Variants in PYROXD2 observed in about 807,000 individuals in gnomAD.
The protein encoded by PYROXD2 is pyridine nucleotide-disulphide oxidoreductase domain 2.
PYROXD2 carries 69 observed loss-of-function variants against 71.1 expected under a neutral mutation model. The ratio of observed to expected loss-of-function variants is 0.97; its 90% CI spans 0.80 to 1.19. The LOEUF is 1.19. Among genes scored for constraint, PYROXD2 ranks in the 50% most tolerant of loss-of-function variants. The pLI is 0.00. For synonymous variants in PYROXD2, 287 were observed against 302.7 expected, an observed-to-expected ratio of 0.95 and a Z score of 0.54; for missense variants, 745 against 748.9, an observed-to-expected ratio of 0.99 and a Z score of 0.06.
intron 6 of PYROXD2, among the ~76,000 whole-genome samples, chr10:98,397,008 C>T (rs1198411649): frequency 6.6e-6 from 1 of 152,210 alleles, no homozygotes; most frequent in African/African-American, 2.4e-5. Context: ...AGCATCTTGT[C>T]ACCCACAGTG....
At chr10:98,392,915 T>A (rs1299503221) in intron 9 of PYROXD2, 27 bp downstream of exon 9, 2 of 1,608,362 alleles carry the variant, frequency 1.2e-6, no homozygotes, top group Non-Finnish European at 8.5e-7. Context: ...TTACTAATAA[T>A]TGGGGTGGGG....
intron 8 of PYROXD2, 38 bp downstream of exon 8, chr10:98,395,158 G>A (rs1843118392): frequency 6.5e-7 from 1 of 1,545,072 alleles, no homozygotes; most frequent in South Asian, 1.1e-5. Context: ...TGGGGAACAT[G>A]CCCCACTCCT....
chr10:98,408,725 G>A (rs969324819), intron 2 of PYROXD2, among the ~76,000 whole-genome samples: 1 of 152,174 alleles, frequency 6.6e-6, no homozygotes, highest in Non-Finnish European at 1.5e-5. Flanking sequence ...AACCAAACTG[G>A]TCATGAATCT....
At position 98,395,399 on chromosome 10, in the gene PYROXD2, T is replaced by C. The variant is rs749741204; in HGVS notation, c.679A>G (p.Ile227Val). 5.0e-6 allele frequency: 8 copies of C among 1,614,186 alleles called. No homozygotes were observed. In the East Asian group the frequency reaches 8.9e-5, roughly 18 times the overall value. ...GCTGGGGAACCACTCACCTTGGTAA[T>C]GGGAGCTGTGAGGACCTCATAATAT... ...PRYYEVLTAPITKVLDQWFES... is the reference protein window; with the variant it reads ...PRYYEVLTAPVTKVLDQWFES... Residue 227 changes from isoleucine (I) to valine (V), a missense_variant, in exon 7 of 16, where the codon ATT (isoleucine) becomes GTT (valine). Physicochemically the swap from Ile to Val is conservative, Grantham distance 29 (BLOSUM62 3). Transcript: ENST00000370575.
At chr10:98,408,371 C>T (rs1208822231) in intron 2 of PYROXD2, among the ~76,000 whole-genome samples, 2 of 152,222 alleles carry the variant, frequency 1.3e-5, no homozygotes, top group African/African-American at 4.8e-5. Flanking sequence ...ACAAGCGCAG[C>T]ACAGTGAGGT....
rs188020959 is a variant in PYROXD2 at position 98,388,314 on chromosome 10, C to T, written c.1447+40G>A. On this transcript the variant is annotated intron_variant, in intron 13 of 15. Transcript: ENST00000370575. ...AGCAGGCCCAGTTGGGTCGCATGCC[C>T]GGCTGTGGCTCTGGAGGCAGAACGT... is the stretch of plus-strand genomic sequence containing the variant. 1.2e-4 allele frequency: 191 copies of T among 1,610,444 alleles called. No individual in the cohort carries two copies. The South Asian group carries it at 1.8e-3, about 15-fold the overall frequency.
chr10:98,401,604 T>C (rs1438309842), intron 4 of PYROXD2, among the ~76,000 whole-genome samples: 1 of 152,206 alleles, frequency 6.6e-6, no homozygotes, highest in African/African-American at 2.4e-5. Context: ...TGTACAGCTA[T>C]ATAAAATATT....
chr10:98,387,283 GCATAGACCTCGATGCAATCAAA>G lies in PYROXD2; in HGVS notation c.1450_1471del (p.Phe484ProfsTer72), dbSNP rs1452342097. 6.2e-7 allele frequency: 1 copy of G among 1,613,932 alleles called. No individual in the cohort carries two copies. The highest frequency in any genetic ancestry group is 8.5e-7 in the Non-Finnish European group (1 of 1,179,954). Reference sequence around the variant, plus strand: ...AACCACAGAGTCCTTGAAGCCAGGGGCATAGACCTCGATGCAATCAAACACTGGGGTGCCAAAAACAGAGAAA... The same window carrying G: ...AACCACAGAGTCCTTGAAGCCAGGGGCACTGGGGTGCCAAAAACAGAGAAA... On this transcript the variant is annotated frameshift_variant and splice_region_variant, in exon 14 of 16. Coordinates refer to ENST00000370575, the MANE Select transcript of PYROXD2 (RefSeq NM_032709.3). LOFTEE classifies it high-confidence loss of function.
intron 1 of PYROXD2, among the ~76,000 whole-genome samples, chr10:98,412,411 T>C (rs1843818163): frequency 6.6e-6 from 1 of 152,124 alleles, no homozygotes; most frequent in Non-Finnish European, 1.5e-5. Context: ...CCTGGGCCCT[T>C]GAGGAGCTGC....
rs755746022 is a variant in PYROXD2 at position 98,383,800 on chromosome 10, A to T, written c.1744T>A (p.Ter582ArgextTer2). ...CCTGGGTCAGAGCTGGTTCAGGGTC[A>T]CATGCTCTTGAGGTCCCTAAAGGCC... ...HVAFRDLKSM* is the reference protein window; with the variant it reads ...HVAFRDLKSMR Residue 582 changes from the stop codon to arginine (R), a stop_lost, in exon 16 of 16, where the codon TGA becomes AGA. Transcript: ENST00000370575. 2.5e-6 allele frequency: 4 copies of T among 1,613,880 alleles called. No individual in the cohort carries two copies. In the South Asian group the frequency reaches 3.3e-5, roughly 13 times the overall value.
intron 8 of PYROXD2, 39 bp from the exon 9 acceptor site, chr10:98,393,122 A>C: frequency 6.8e-7 from 1 of 1,467,832 alleles, no homozygotes; most frequent in Non-Finnish European, 9.0e-7. Context: ...TGGAGGTGGG[A>C]TCTCATCTCC....
At chr10:98,410,843 G>T (rs901317530) in intron 2 of PYROXD2, 96 bp downstream of exon 2, 2 of 1,535,822 alleles carry the variant, frequency 1.3e-6, no homozygotes, top group Admixed American at 3.9e-5. Flanking sequence ...CTCTCTCAAG[G>T]CCCTTATCCC....
intron 10 of PYROXD2, 58 bp from the exon 11 acceptor site, chr10:98,391,140 C>T (rs998462722): frequency 2.0e-5 from 22 of 1,112,848 alleles, no homozygotes; most frequent in Non-Finnish European, 2.8e-5. Flanking sequence ...AGGAAGCTGC[C>T]TTCTTTCTTT....
At chr10:98,395,357 G>C in intron 7 of PYROXD2, 34 bp downstream of exon 7, 1 of 1,612,356 alleles carries the variant, frequency 6.2e-7, no homozygotes, top group Admixed American at 1.7e-5. Context: ...CCCTCTCACT[G>C]CCTGGTCGGG....
In PYROXD2 at chr10:98,392,552, C is replaced by T. The variant is rs1842981875; in HGVS notation, c.942G>A (p.Val314=). ...SIFTEKTVAK[V]QVNSEGCVQG... is the part of the protein sequence containing the mutation. The stretch of plus-strand genomic sequence containing the variant: ...GAACACAGCCTTCACTGTTCACCTG[C>T]ACCTTCGCCACTGTCTAGAGCCCAC... The change falls in exon 10 of 16, where the codon GTG becomes GTA. Residue 314 remains valine, a synonymous_variant. Coordinates refer to ENST00000370575, the MANE Select transcript of PYROXD2 (RefSeq NM_032709.3). 6.2e-7 allele frequency: 1 copy of T among 1,611,954 alleles called. No individual in the cohort carries two copies. Among genetic ancestry groups the T allele is most frequent in the Non-Finnish European group, 8.5e-7 (1 of 1,180,004 alleles).
In PYROXD2 at chr10:98,415,139, T is replaced by G. The variant is rs765926483; in HGVS notation, c.-4A>C. On this transcript the variant is annotated 5_prime_UTR_variant, in exon 1 of 16. Coordinates refer to ENST00000370575, the MANE Select transcript of PYROXD2 (RefSeq NM_032709.3). ...GACCTCGGCCACTTGCAGCCATTTCTGCCCCAGGCTGGGCCTTGCTAGGCA... is the reference window on the plus strand; with the variant it reads ...GACCTCGGCCACTTGCAGCCATTTCGGCCCCAGGCTGGGCCTTGCTAGGCA... The G allele has an allele frequency of 6.2e-7, 1 of 1,612,312 alleles. No individual in the cohort carries two copies. Among genetic ancestry groups the G allele is most frequent in the East Asian group, 2.2e-5 (1 of 44,870 alleles).
At chr10:98,414,548 T>G (rs1843913138) in intron 1 of PYROXD2, among the ~76,000 whole-genome samples, 1 of 152,178 alleles carries the variant, frequency 6.6e-6, no homozygotes, top group South Asian at 2.1e-4. Flanking sequence ...CAGTTTCTTG[T>G]GACGAGGGGT....
intron 8 of PYROXD2, 49 bp downstream of exon 8, chr10:98,395,147 T>C (rs1843117630): frequency 1.3e-6 from 2 of 1,502,852 alleles, no homozygotes; most frequent in Non-Finnish European, 1.9e-6. Context: ...CTCACTCCTG[T>C]TGGGGAACAT....
At position 98,383,855 on chromosome 10, in the gene PYROXD2, C is replaced by T. The variant is rs150230915; in HGVS notation, c.1689G>A (p.Met563Ile). Reference sequence around the variant, plus strand: ...GTGCTGCATTTCGCCCAGCAGCTCCCATCACACCTCCTCCTGGAAGGGAAT... The same window carrying T: ...GTGCTGCATTTCGCCCAGCAGCTCCTATCACACCTCCTCCTGGAAGGGAAT... Reference protein sequence around the residue: ...GSGAHPGGGVMGAAGRNAAHV... With the variant: ...GSGAHPGGGVIGAAGRNAAHV... The change falls in exon 16 of 16, where the codon ATG (methionine) becomes ATA (isoleucine). Residue 563 changes from methionine (M) to isoleucine (I), a missense_variant. Met to Ile is a conservative substitution (Grantham distance 10). Transcript: ENST00000370575. The T allele has an allele frequency of 5.8e-5, 93 of 1,614,004 alleles. 1 individual carries two copies. In the South Asian group the frequency reaches 9.1e-4, roughly 16 times the overall value.
Sources: allele counts gnomAD v4.1 joint callset (sites outside exome capture counted in the v4.1 genomes callset), GRCh38; gene constraint gnomAD v4.1.1; transcripts MANE v1.5; gene names NCBI Gene and HGNC (gene_info 2026-07-23, HGNC 2026-07-21).